The following ZEB1 variants were observed in gnomAD, a reference collection of about 807,000 sequenced individuals.
ZEB1 encodes the protein zinc finger E-box-binding homeobox 1.
In ZEB1, 21 loss-of-function variants were observed where a neutral mutation model predicts 84.9. That is an observed-to-expected ratio of 0.25 (90% CI 0.18 to 0.36). The LOEUF (loss-of-function observed/expected upper bound fraction) is 0.36. Ranked by LOEUF, ZEB1 falls within the 10% of genes least tolerant of loss-of-function variation. The probability of loss-of-function intolerance (pLI) is 1.00; values close to 1 mark genes in which losing one functional copy is unlikely to be tolerated. For missense variants in ZEB1, 1,104 were observed against 1,330.2 expected (o/e 0.83, Z 2.65); for synonymous variants, 420 against 471.1 (o/e 0.89, Z 1.41).
Position 31,527,628 on chromosome 10 carries a change from C to A in ZEB1, c.*364C>A. 2 of 237,192 alleles carry A rather than the reference C, an allele frequency of 8.4e-6. No individual in the cohort carries two copies. Among genetic ancestry groups the A allele is most frequent in the Non-Finnish European group, 1.7e-5 (2 of 120,398 alleles). 14.7% of individuals were successfully genotyped at this position (237,192 alleles called of 1,614,324 possible). On this transcript the variant is annotated 3_prime_UTR_variant, in exon 9 of 9. Transcript: ENST00000424869. Reference sequence around the variant, plus strand: ...AGATATGCATCTGGCATTGTTTTATCTTATCAGTATTATCACTCTTATGTT... The same window carrying A: ...AGATATGCATCTGGCATTGTTTTATATTATCAGTATTATCACTCTTATGTT...
At chr10:31,446,508 G>T (rs900429380) in intron 1 of ZEB1, among the ~76,000 whole-genome samples, 20 of 149,592 alleles carry the variant, frequency 1.3e-4, no homozygotes, top group African/African-American at 4.2e-4. Flanking sequence ...TGATGTTAGG[G>T]TGTCAATTTT....
chr10:31,395,073 G>A (rs139471329), intron 1 of ZEB1, among the ~76,000 whole-genome samples: 3 of 152,148 alleles, frequency 2.0e-5, no homozygotes, highest in African/African-American at 7.2e-5. Flanking sequence ...GGGGATTAAC[G>A]AATTCAATTT....
intron 1 of ZEB1, among the ~76,000 whole-genome samples, chr10:31,337,835 C>A (rs143042803): frequency 0.016 from 2,410 of 152,042 alleles, 47 homozygotes; most frequent in African/African-American, 0.054. Flanking sequence ...CAGGCACCCA[C>A]CACCACGCTG....
intron 4 of ZEB1, among the ~76,000 whole-genome samples, chr10:31,508,946 G>A (rs1160121959): frequency 3.3e-5 from 5 of 152,146 alleles, no homozygotes; most frequent in East Asian, 3.9e-4. Context: ...TGTCCCCAGC[G>A]GTGGAAGCCC....
At chr10:31,525,173 C>T (rs906249037) in intron 8 of ZEB1, among the ~76,000 whole-genome samples, 4 of 152,186 alleles carry the variant, frequency 2.6e-5, no homozygotes, top group East Asian at 1.9e-4. Context: ...TATTCATTTA[C>T]ATTTTGTCTA....
chr10:31,411,306 T>C (rs1296607845), intron 1 of ZEB1, among the ~76,000 whole-genome samples: 1 of 152,084 alleles, frequency 6.6e-6, no homozygotes, highest in East Asian at 1.9e-4. Context: ...ATAAGTTCTT[T>C]GATAACAATG....
chr10:31,407,357 G>A (rs1341530382), intron 1 of ZEB1, among the ~76,000 whole-genome samples: 1 of 148,696 alleles, frequency 6.7e-6, no homozygotes, highest in Non-Finnish European at 1.5e-5. Context: ...TTGGTTTTTT[G>A]TTATTGCGAT....
At chr10:31,468,387 T>C (rs1213593140) in intron 2 of ZEB1, among the ~76,000 whole-genome samples, 1 of 152,164 alleles carries the variant, frequency 6.6e-6, no homozygotes, top group African/African-American at 2.4e-5. Flanking sequence ...AGGTCAAAAC[T>C]GCATGTCCTG....
At chr10:31,513,359 G>A (rs1445089306) in intron 5 of ZEB1, among the ~76,000 whole-genome samples, 2 of 152,114 alleles carry the variant, frequency 1.3e-5, no homozygotes, top group African/African-American at 2.4e-5. Flanking sequence ...TACTAAAGAC[G>A]GAGCTGGCTT....
At chr10:31,444,528 A>G (rs1038235805) in intron 1 of ZEB1, among the ~76,000 whole-genome samples, 77 of 151,108 alleles carry the variant, frequency 5.1e-4, no homozygotes, top group South Asian at 1.2e-3. Context: ...GTTTTCTTCT[A>G]GGGTTTTTAT....
intron 1 of ZEB1, among the ~76,000 whole-genome samples, chr10:31,352,550 G>A (rs2041485980): frequency 6.6e-6 from 1 of 152,134 alleles, no homozygotes; most frequent in East Asian, 1.9e-4. Context: ...CTTCTGCTTT[G>A]TGTGGTCTTG....
At position 31,388,490 on chromosome 10, in the gene ZEB1, T is replaced by C. The variant is rs530419831; in HGVS notation, c.58+69198T>C. Reference sequence around the variant, plus strand: ...AATAGAAGATATTAAAGAGGAAAAATACTTGTGTGTTTGCTGTTAGAATGA... The same window carrying C: ...AATAGAAGATATTAAAGAGGAAAAACACTTGTGTGTTTGCTGTTAGAATGA... On this transcript the variant is annotated intron_variant, in intron 1 of 8. Transcript: ENST00000424869. Among the ~76,000 whole-genome samples the C allele has an allele frequency of 9.2e-4, 140 of 152,196 alleles. 2 individuals are homozygous for C. The highest frequency in any genetic ancestry group is 3.3e-3 in the African/African-American group (137 of 41,562).
intron 1 of ZEB1, among the ~76,000 whole-genome samples, chr10:31,443,165 G>C (rs1416760725): frequency 6.6e-6 from 1 of 152,102 alleles, no homozygotes; most frequent in African/African-American, 2.4e-5. Flanking sequence ...ATGTTTATTG[G>C]GCATTCATTT....
At chr10:31,464,421 G>T (rs1158184778) in intron 2 of ZEB1, among the ~76,000 whole-genome samples, 2 of 152,080 alleles carry the variant, frequency 1.3e-5, no homozygotes, top group Admixed American at 1.3e-4. Context: ...TACATCTTAT[G>T]CCAGGAGAAA....
intron 1 of ZEB1, among the ~76,000 whole-genome samples, chr10:31,328,178 A>G (rs2036006763): frequency 1.3e-5 from 2 of 152,030 alleles, no homozygotes; most frequent in African/African-American, 2.4e-5. Context: ...TCTTAGTTGT[A>G]TTTTTTGTAT....
At chr10:31,343,146 G>A (rs1590119763) in intron 1 of ZEB1, among the ~76,000 whole-genome samples, 1 of 152,024 alleles carries the variant, frequency 6.6e-6, no homozygotes, top group East Asian at 1.9e-4. Flanking sequence ...TTTTCTTTTT[G>A]AATGGTTTTG....
rs200508719 is a variant in ZEB1, at chr10:31,343,728, GCT to G, written c.58+24441_58+24442del. On this transcript the variant is annotated intron_variant, in intron 1 of 8. Transcript: ENST00000424869. ...AGAGCAGGTGTGCTATGGTTTGGTG[GCT>G]CTCTATTCTCTGCCCGCTTTAAATC... Among the ~76,000 whole-genome samples the G allele has an allele frequency of 1.4e-4, 22 of 152,164 alleles. No individual in the cohort carries two copies. In the East Asian group the frequency reaches 4.2e-3, roughly 29 times the overall value.
At chr10:31,351,387 A>G (rs1281246157) in intron 1 of ZEB1, among the ~76,000 whole-genome samples, 1 of 152,146 alleles carries the variant, frequency 6.6e-6, no homozygotes, top group African/African-American at 2.4e-5. Flanking sequence ...CTTTTTTACT[A>G]GACTAAATAA....
At chr10:31,320,917 C>T (rs1189020285) in intron 1 of ZEB1, among the ~76,000 whole-genome samples, 2 of 152,190 alleles carry the variant, frequency 1.3e-5, no homozygotes, top group East Asian at 3.9e-4. Flanking sequence ...AACGGCCCTG[C>T]CGCCGGCCGC....
Sources: gnomAD v4.1 joint callset for allele counts (sites outside exome capture counted in the v4.1 genomes callset) on GRCh38, gnomAD v4.1.1 for gene constraint, MANE v1.5 for transcripts, NCBI Gene and HGNC (gene_info 2026-07-23, HGNC 2026-07-21) for gene names.